TRPC5: variants seen among roughly 807,000 people sequenced by gnomAD.
The protein encoded by TRPC5 is transient receptor potential cation channel subfamily C member 5.
Under a neutral mutation model 56.5 loss-of-function variants are expected in TRPC5, and 9 were observed. That is an observed-to-expected ratio of 0.16 (90% CI 0.10 to 0.28). The LOEUF (loss-of-function observed/expected upper bound fraction) is 0.28, where lower values mean the gene tolerates loss of function less well. TRPC5 is among the 10% of genes least tolerant of loss of function. The pLI, the probability that TRPC5 is intolerant of heterozygous loss-of-function variation, is 1.00. For missense variants in TRPC5, 469 were observed against 748.9 expected, an observed-to-expected ratio of 0.63 and a Z score of 4.36; for synonymous variants, 282 against 278.5, an observed-to-expected ratio of 1.01 and a Z score of -0.13.
intron 7 of TRPC5, among the ~76,000 whole-genome samples, chrX:111,833,019 G>C (rs1277766726): frequency 9.0e-6 from 1 of 111,407 alleles, no homozygotes; most frequent in South Asian, 3.8e-4. Flanking sequence ...AGGGGTGAAG[G>C]ATAGAATGCC....
chrX:112,038,573 TA>T (rs751611323), intron 1 of TRPC5, among the ~76,000 whole-genome samples: 1 of 112,786 alleles, frequency 8.9e-6, no homozygotes, highest in Non-Finnish European at 1.9e-5. Flanking sequence ...AGGATGTCTC[TA>T]ATCTTTGGTG....
chrX:111,784,370 G>A (rs1413096746), intron 7 of TRPC5, among the ~76,000 whole-genome samples: 1 of 112,133 alleles, frequency 8.9e-6, no homozygotes, highest in Non-Finnish European at 1.9e-5. Context: ...CTCATAGAAC[G>A]TGAGAAAATA....
At chrX:111,908,149 TA>T (rs1393820845) in intron 3 of TRPC5, among the ~76,000 whole-genome samples, 1 of 111,992 alleles carries the variant, frequency 8.9e-6, no homozygotes, top group Non-Finnish European at 1.9e-5. Context: ...TGAAACCACA[TA>T]TTTTTAAAAA....
chrX:112,006,249 C>T (rs772379908), intron 1 of TRPC5, among the ~76,000 whole-genome samples: 1 of 111,421 alleles, frequency 9.0e-6, no homozygotes, highest in South Asian at 3.8e-4. Flanking sequence ...CTGTGAGTTA[C>T]CTGAAATCCA....
rs1353691199 is a variant in TRPC5, at chrX:111,773,084, A to G, written c.*3229T>C. Among the ~76,000 whole-genome samples, 1 of 112,277 alleles carries G rather than the reference A, an allele frequency of 8.9e-6. No individual in the cohort carries two copies. The highest frequency in any genetic ancestry group is 1.9e-5 in the Non-Finnish European group (1 of 53,298). On this transcript the variant is annotated 3_prime_UTR_variant, in exon 11 of 11. Transcript: ENST00000262839. ...CAGACAGGTATTTACGACTTAGCTGAAATAGCCTAAGTTAGGTCACAGTGG... is the reference window on the plus strand; with the variant it reads ...CAGACAGGTATTTACGACTTAGCTGGAATAGCCTAAGTTAGGTCACAGTGG...
At position 111,984,127 on chromosome X, in the gene TRPC5, G is replaced by A. The variant is rs1365590578; in HGVS notation, c.-21-31686C>T. ...TCAGTCTCTACTAAGGCCCAGTAGCGGGCTAAGAGCTGTTTCTCAAAAGGG... is the reference window on the plus strand; with the variant it reads ...TCAGTCTCTACTAAGGCCCAGTAGCAGGCTAAGAGCTGTTTCTCAAAAGGG... On this transcript the variant is annotated intron_variant, in intron 1 of 10. Transcript: ENST00000262839. Among the ~76,000 whole-genome samples the A allele has an allele frequency of 4.5e-5, 5 of 111,390 alleles. No individual in the cohort carries two copies. The East Asian group carries it at 1.1e-3, about 25-fold the overall frequency.
At chrX:111,836,216 G>A (rs1481270181) in intron 6 of TRPC5, among the ~76,000 whole-genome samples, 1 of 111,629 alleles carries the variant, frequency 9.0e-6, no homozygotes, top group Non-Finnish European at 1.9e-5. Context: ...GGTTTCTTTT[G>A]CTTTATATTC....
intron 2 of TRPC5, among the ~76,000 whole-genome samples, chrX:111,924,415 C>A (rs185084736): frequency 1.4e-3 from 152 of 108,565 alleles, no homozygotes; most frequent in African/African-American, 5.0e-3. Context: ...GTGTGGGCTG[C>A]GCCTGAATAA....
chrX:111,982,042 C>T (rs1928096280), intron 1 of TRPC5, among the ~76,000 whole-genome samples: 1 of 111,234 alleles, frequency 9.0e-6, no homozygotes, highest in African/African-American at 3.3e-5. Context: ...CTCGCTCTTG[C>T]TCTCTCTTTC....
At chrX:111,846,548 A>G (rs1922932453) in intron 6 of TRPC5, among the ~76,000 whole-genome samples, 1 of 111,384 alleles carries the variant, frequency 9.0e-6, no homozygotes, top group Non-Finnish European at 1.9e-5. Flanking sequence ...AGACATTTCC[A>G]ATTAGTGCTG....
chrX:111,906,831 G>C (rs1171992349), intron 3 of TRPC5, among the ~76,000 whole-genome samples: 1 of 111,310 alleles, frequency 9.0e-6, no homozygotes, highest in Non-Finnish European at 1.9e-5. Context: ...GATTTAGCAA[G>C]TTGTCATCAG....
chrX:111,905,839 T>C (rs781679236), intron 3 of TRPC5, among the ~76,000 whole-genome samples: 164 of 99,578 alleles, frequency 1.6e-3, no homozygotes, highest in African/African-American at 3.1e-3. Context: ...GGCGTGAACC[T>C]GGGAGGCGGA....
chrX:111,771,506 C>T lies in TRPC5; in HGVS notation c.*4807G>A, dbSNP rs1373842782. Among the ~76,000 whole-genome samples, 1 of 111,238 alleles carries T rather than the reference C, an allele frequency of 9.0e-6. No homozygotes were observed. Among genetic ancestry groups the T allele is most frequent in the African/African-American group, 3.3e-5 (1 of 30,584 alleles). The stretch of plus-strand genomic sequence containing the variant: ...ATGCTAGAGCACACTGGCTTGCTGC[C>T]TCTATCATTCCAGCAGTTAACTCTG... On this transcript the variant is annotated 3_prime_UTR_variant, in exon 11 of 11. Coordinates refer to ENST00000262839, the MANE Select transcript of TRPC5 (RefSeq NM_012471.3).
intron 7 of TRPC5, among the ~76,000 whole-genome samples, chrX:111,798,102 A>G (rs984993183): frequency 1.8e-5 from 2 of 111,977 alleles, no homozygotes; most frequent in African/African-American, 6.5e-5. Context: ...CTAGTCTATT[A>G]TATTATTTAC....
intron 3 of TRPC5, among the ~76,000 whole-genome samples, chrX:111,863,789 A>G (rs908142051): frequency 8.9e-6 from 1 of 111,749 alleles, no homozygotes; most frequent in Admixed American, 9.5e-5. Flanking sequence ...ATTCTCTTCA[A>G]TTCACAGTTT....
At chrX:111,807,956 C>CTCTCTGTGTG (rs905386723) in intron 7 of TRPC5, among the ~76,000 whole-genome samples, 282 of 91,914 alleles carry the variant, frequency 3.1e-3, no homozygotes, top group African/African-American at 0.013. Flanking sequence ...CTCTCTCTCT[C>CTCTCTGTGTG]TGTGTGTGTG....
At chrX:111,820,056 A>G (rs1181142442) in intron 7 of TRPC5, among the ~76,000 whole-genome samples, 6 of 112,185 alleles carry the variant, frequency 5.3e-5, no homozygotes, top group Non-Finnish European at 1.1e-4. Flanking sequence ...CTATAATTAT[A>G]AAATCCATCA....
chrX:111,933,893 T>C (rs1926490184), intron 2 of TRPC5, among the ~76,000 whole-genome samples: 1 of 111,396 alleles, frequency 9.0e-6, no homozygotes, highest in African/African-American at 3.3e-5. Context: ...TTATTTTAAA[T>C]TTTGTTTTTA....
intron 2 of TRPC5, among the ~76,000 whole-genome samples, chrX:111,945,723 C>T (rs1263755203): frequency 8.9e-6 from 1 of 112,010 alleles, no homozygotes; most frequent in Non-Finnish European, 1.9e-5. Context: ...AAGGATAGAG[C>T]AGACAGCTTC....
Sources: allele counts gnomAD v4.1 joint callset (sites outside exome capture counted in the v4.1 genomes callset), GRCh38; gene constraint gnomAD v4.1.1; transcripts MANE v1.5; gene names NCBI Gene and HGNC (gene_info 2026-07-23, HGNC 2026-07-21).